The following THRB variants were observed in gnomAD, a reference collection of about 807,000 sequenced individuals.
The protein encoded by THRB is thyroid hormone receptor beta.
Under a neutral mutation model 47.8 loss-of-function variants are expected in THRB, and 12 were observed. That is an observed-to-expected ratio of 0.25 (90% CI 0.16 to 0.41). The LOEUF is 0.41. Ranked by LOEUF, THRB falls within the 10% of genes least tolerant of loss-of-function variation. The pLI, the probability that THRB is intolerant of heterozygous loss-of-function variation, is 1.00. For synonymous variants in THRB, 218 were observed against 212.2 expected (o/e 1.03, Z -0.24); for missense variants, 348 against 589.2 (o/e 0.59, Z 4.24).
chr3:24,342,277 A>G (rs965975536), intron 1 of THRB, among the ~76,000 whole-genome samples: 3 of 152,178 alleles, frequency 2.0e-5, no homozygotes, highest in Non-Finnish European at 4.4e-5. Context: ...TGGTTTAAGT[A>G]TTTAAACAGA....
At chr3:24,159,451 C>T (rs1240392093) in intron 5 of THRB, among the ~76,000 whole-genome samples, 1 of 152,150 alleles carries the variant, frequency 6.6e-6, no homozygotes, top group Non-Finnish European at 1.5e-5. Flanking sequence ...AGCTATGACA[C>T]ATATGTATGT....
At chr3:24,126,175 T>A (rs1048732074) in intron 10 of THRB, among the ~76,000 whole-genome samples, 2 of 152,174 alleles carry the variant, frequency 1.3e-5, no homozygotes, top group African/African-American at 4.8e-5. Flanking sequence ...AGAAGATCAC[T>A]TGAGCCCAGG....
chr3:24,409,557 G>A (rs1256219018), intron 1 of THRB, among the ~76,000 whole-genome samples: 3 of 151,812 alleles, frequency 2.0e-5, no homozygotes, highest in South Asian at 2.1e-4. Flanking sequence ...GCTGTACAAG[G>A]AGAATTACAG....
chr3:24,291,494 G>A lies in THRB; in HGVS notation c.-43+5732C>T, dbSNP rs73148353. ...GCTCAAGTCCCTTATACAAAAGGGT[G>A]TAATATTTGCATAAAACCTACAGAC... On this transcript the variant is annotated intron_variant, in intron 3 of 10. Coordinates refer to ENST00000646209, the MANE Select transcript of THRB (RefSeq NM_001354712.2). Among the ~76,000 whole-genome samples, 1,395 of 152,216 alleles carry A rather than the reference G, an allele frequency of 9.2e-3. 21 individuals carry two copies. The highest frequency in any genetic ancestry group is 0.032 in the African/African-American group (1,321 of 41,538).
intron 1 of THRB, among the ~76,000 whole-genome samples, chr3:24,422,280 A>G (rs2069339351): frequency 6.6e-6 from 1 of 151,890 alleles, no homozygotes; most frequent in Non-Finnish European, 1.5e-5. Context: ...TCCTGGATGG[A>G]TAATCTCCCA....
intron 1 of THRB, among the ~76,000 whole-genome samples, chr3:24,481,257 T>TA (rs1696367956): frequency 7.6e-6 from 1 of 131,614 alleles, no homozygotes; most frequent in Non-Finnish European, 1.6e-5. Flanking sequence ...TTTTTTTTTT[T>TA]ACGGAAAAAG....
intron 4 of THRB, among the ~76,000 whole-genome samples, chr3:24,192,777 A>T (rs982316013): frequency 1.3e-5 from 2 of 152,162 alleles, no homozygotes. Flanking sequence ...TTCCAAAGAA[A>T]AGCAGCTGAG....
intron 1 of THRB, among the ~76,000 whole-genome samples, chr3:24,427,039 G>T (rs2069839500): frequency 1.3e-5 from 2 of 151,914 alleles, no homozygotes; most frequent in Non-Finnish European, 1.5e-5. Flanking sequence ...AAACTGCATT[G>T]TTCAGCTAGA....
At chr3:24,416,490 G>T (rs1238850756) in intron 1 of THRB, among the ~76,000 whole-genome samples, 1 of 151,880 alleles carries the variant, frequency 6.6e-6, no homozygotes, top group African/African-American at 2.4e-5. Flanking sequence ...ACAAGGGCAA[G>T]AATCTGTTTG....
chr3:24,140,675 C>T (rs1366418325), intron 8 of THRB, among the ~76,000 whole-genome samples: 1 of 152,156 alleles, frequency 6.6e-6, no homozygotes, highest in Non-Finnish European at 1.5e-5. Context: ...TATGACCCAA[C>T]CTTAGAAGTA....
intron 1 of THRB, chr3:24,486,333 G>C (rs918260731): frequency 9.9e-5 from 15 of 152,152 alleles, no homozygotes; most frequent in African/African-American, 3.6e-4. Context: ...TGCCCCAGAA[G>C]ATTCCGAGCA....
chr3:24,138,088 T>C (rs1444532855), intron 8 of THRB, among the ~76,000 whole-genome samples: 1 of 152,074 alleles, frequency 6.6e-6, no homozygotes. Flanking sequence ...GCCAACTGGC[T>C]TTCTGCTTTG....
intron 1 of THRB, among the ~76,000 whole-genome samples, chr3:24,402,518 TAAC>T (rs1463845848): frequency 3.9e-4 from 56 of 142,952 alleles, no homozygotes; most frequent in African/African-American, 1.4e-3. Flanking sequence ...TTTTTTTTGG[TAAC>T]AACATATTTC....
At chr3:24,134,249 TG>T (rs1366331447) in intron 8 of THRB, among the ~76,000 whole-genome samples, 1 of 152,066 alleles carries the variant, frequency 6.6e-6, no homozygotes, top group Non-Finnish European at 1.5e-5. Context: ...GACCTCCAGG[TG>T]ACTTATATGC....
intron 1 of THRB, among the ~76,000 whole-genome samples, chr3:24,352,166 T>A (rs566062168): frequency 6.6e-6 from 1 of 152,298 alleles, no homozygotes; most frequent in Admixed American, 6.5e-5. Flanking sequence ...AGTTCAGGCA[T>A]GTGAGAATAA....
intron 4 of THRB, among the ~76,000 whole-genome samples, chr3:24,208,567 T>C (rs1398134448): frequency 6.6e-6 from 1 of 152,188 alleles, no homozygotes; most frequent in Non-Finnish European, 1.5e-5. Flanking sequence ...CATCCGATCT[T>C]TGACAAACCT....
chr3:24,306,325 A>C (rs1476886058), intron 2 of THRB, among the ~76,000 whole-genome samples: 1 of 152,156 alleles, frequency 6.6e-6, no homozygotes, highest in Non-Finnish European at 1.5e-5. Context: ...CAGACCACCC[A>C]CAGGGAGGAG....
At chr3:24,220,568 G>A (rs1167225087) in intron 4 of THRB, among the ~76,000 whole-genome samples, 3 of 152,156 alleles carry the variant, frequency 2.0e-5, no homozygotes, top group African/African-American at 7.2e-5. Context: ...TTCAAAGAGA[G>A]GGATCAAATT....
intron 5 of THRB, among the ~76,000 whole-genome samples, chr3:24,174,622 C>A (rs893558438): frequency 2.0e-5 from 3 of 152,220 alleles, no homozygotes; most frequent in Non-Finnish European, 4.4e-5. Context: ...TAGCTCCTGA[C>A]TACTTTCTAC....
Sources: gnomAD v4.1 joint callset for allele counts (sites outside exome capture counted in the v4.1 genomes callset) on GRCh38, gnomAD v4.1.1 for gene constraint, MANE v1.5 for transcripts, NCBI Gene and HGNC (gene_info 2026-07-23, HGNC 2026-07-21) for gene names.